The following CCSER2 variants were observed in gnomAD, a reference collection of about 807,000 sequenced individuals.
The protein encoded by CCSER2 is serine-rich coiled-coil domain-containing protein 2.
In CCSER2, 46 loss-of-function variants were observed where a neutral mutation model predicts 92.3. The ratio of observed to expected loss-of-function variants is 0.50; its 90% CI spans 0.39 to 0.64. The LOEUF (loss-of-function observed/expected upper bound fraction) is 0.64, where lower values mean the gene tolerates loss of function less well. CCSER2 is among the 30% of genes least tolerant of loss of function. CCSER2 has a pLI of 0.00. For synonymous variants in CCSER2, 433 were observed against 431.4 expected (o/e 1.00, Z -0.04); for missense variants, 1,244 against 1,238.9 (o/e 1.00, Z -0.06).
chr10:84,329,814 T>A (rs1843461155), intron 1 of CCSER2, among the ~76,000 whole-genome samples: 1 of 152,216 alleles, frequency 6.6e-6, no homozygotes, highest in African/African-American at 2.4e-5. Context: ...TTGCCTGAAA[T>A]CAGTCTTCTT....
intron 5 of CCSER2, among the ~76,000 whole-genome samples, chr10:84,427,706 C>T (rs1000008943): frequency 1.3e-5 from 2 of 152,056 alleles, no homozygotes; most frequent in Non-Finnish European, 2.9e-5. Flanking sequence ...TCTTTTCTGC[C>T]CAGACCTCCT....
chr10:84,365,582 A>G (rs1345698056), intron 1 of CCSER2, among the ~76,000 whole-genome samples: 2 of 152,236 alleles, frequency 1.3e-5, no homozygotes, highest in Non-Finnish European at 2.9e-5. Context: ...AGAATAGCAC[A>G]TTCAGGTTCT....
rs139213077 is a variant in CCSER2 at position 84,421,624 on chromosome 10, G to A, written c.1705+3763G>A. Among the ~76,000 whole-genome samples the A allele has an allele frequency of 4.1e-4, 63 of 152,258 alleles. No individual in the cohort carries two copies. In the East Asian group the frequency reaches 9.3e-3, roughly 22 times the overall value. Reference sequence around the variant, plus strand: ...ATTATTGCAATTTAAGGTGAGATTTGGGTAGGGACACAGAGCCAAACCATG... The same window carrying A: ...ATTATTGCAATTTAAGGTGAGATTTAGGTAGGGACACAGAGCCAAACCATG... On this transcript the variant is annotated intron_variant, in intron 4 of 9. Transcript: ENST00000372088.
intron 1 of CCSER2, among the ~76,000 whole-genome samples, chr10:84,333,196 T>C (rs143549028): frequency 9.5e-4 from 145 of 152,298 alleles, no homozygotes; most frequent in African/African-American, 2.8e-3. Flanking sequence ...TTAACTCTTA[T>C]TGCTAATCAT....
intron 9 of CCSER2, among the ~76,000 whole-genome samples, chr10:84,509,296 T>C (rs2131873111): frequency 6.6e-6 from 1 of 152,356 alleles, no homozygotes; most frequent in South Asian, 2.1e-4. Context: ...CCACTAATAT[T>C]TATTTATTCA....
intron 3 of CCSER2, among the ~76,000 whole-genome samples, chr10:84,404,331 A>G (rs1217735094): frequency 1.3e-5 from 2 of 152,238 alleles, no homozygotes; most frequent in Non-Finnish European, 2.9e-5. Context: ...TTCTCAGCTT[A>G]CTAACAAAGT....
intron 6 of CCSER2, among the ~76,000 whole-genome samples, chr10:84,446,982 A>G (rs938382398): frequency 6.6e-6 from 1 of 151,284 alleles, no homozygotes; most frequent in Non-Finnish European, 1.5e-5. Context: ...AACGAAACAT[A>G]ATATCTTTGT....
intron 1 of CCSER2, among the ~76,000 whole-genome samples, chr10:84,365,330 A>G (rs1845723067): frequency 6.6e-6 from 1 of 152,236 alleles, no homozygotes; most frequent in South Asian, 2.1e-4. Flanking sequence ...ATGGCTACCA[A>G]AATGAAGCAG....
chr10:84,391,244 A>G (rs1841501561), intron 3 of CCSER2: 4 of 1,348,444 alleles, frequency 3.0e-6, no homozygotes, highest in Non-Finnish European at 4.3e-6. Context: ...TGCCCAAGCC[A>G]TGCTAAACAA....
chr10:84,455,556 G>A (rs762144053), intron 6 of CCSER2: 29 of 411,666 alleles, frequency 7.0e-5, no homozygotes, highest in African/African-American at 2.1e-4. Context: ...GATTACAGGC[G>A]TGAGCTACTG....
At chr10:84,420,515 G>A (rs1843087202) in intron 4 of CCSER2, among the ~76,000 whole-genome samples, 1 of 152,076 alleles carries the variant, frequency 6.6e-6, no homozygotes, top group Non-Finnish European at 1.5e-5. Flanking sequence ...CAGTTTTTTG[G>A]CTGGGAGGAT....
intron 3 of CCSER2, among the ~76,000 whole-genome samples, chr10:84,412,224 A>C (rs1170033794): frequency 6.6e-6 from 1 of 152,122 alleles, no homozygotes; most frequent in African/African-American, 2.4e-5. Context: ...ATTTATGTTC[A>C]TCAAGGATAT....
In CCSER2 at chr10:84,438,602, A is replaced by G; in HGVS notation, c.1959A>G (p.Val653=). Residue 653 remains valine, a synonymous_variant, in exon 6 of 10, where the codon GTA becomes GTG. Transcript: ENST00000372088. ...AGGCTCAGAAGATGTTTGTTGATGTACCAGAAAATACAGTGATACTGGATG... is the reference window on the plus strand; with the variant it reads ...AGGCTCAGAAGATGTTTGTTGATGTGCCAGAAAATACAGTGATACTGGATG... ...FFQAQKMFVD[V]PENTVILDEM... 6.2e-7 allele frequency: 1 copy of G among 1,613,312 alleles called. No homozygotes were observed. Among genetic ancestry groups the G allele is most frequent in the Non-Finnish European group, 8.5e-7 (1 of 1,179,290 alleles).
chr10:84,398,276 C>T (rs1241699884), intron 3 of CCSER2, among the ~76,000 whole-genome samples: 1 of 152,198 alleles, frequency 6.6e-6, no homozygotes, highest in African/African-American at 2.4e-5. Context: ...CCTCCCTCTT[C>T]CATTCTGAGT....
chr10:84,358,464 G>A (rs1339042610), intron 1 of CCSER2, among the ~76,000 whole-genome samples: 1 of 151,900 alleles, frequency 6.6e-6, no homozygotes, highest in Non-Finnish European at 1.5e-5. Context: ...TACCATTAAT[G>A]TTCCTCTAGC....
chr10:84,376,859 C>CT (rs1179516244), intron 3 of CCSER2, among the ~76,000 whole-genome samples: 1 of 151,830 alleles, frequency 6.6e-6, no homozygotes, highest in Non-Finnish European at 1.5e-5. Flanking sequence ...TGCTTTCTGC[C>CT]TTTTTGCATT....
At chr10:84,330,323 A>T (rs962628886) in intron 1 of CCSER2, among the ~76,000 whole-genome samples, 1 of 152,118 alleles carries the variant, frequency 6.6e-6, no homozygotes, top group African/African-American at 2.4e-5. Context: ...GTGGTTTTTC[A>T]GTGTTCTTTG....
intron 3 of CCSER2, among the ~76,000 whole-genome samples, chr10:84,378,860 A>G (rs1199076923): frequency 2.0e-5 from 3 of 152,206 alleles, no homozygotes; most frequent in African/African-American, 7.2e-5. Flanking sequence ...GGTGCATGCC[A>G]CTATACCCAG....
At chr10:84,405,859 G>A (rs1842350094) in intron 3 of CCSER2, among the ~76,000 whole-genome samples, 1 of 152,188 alleles carries the variant, frequency 6.6e-6, no homozygotes, top group Admixed American at 6.5e-5. Flanking sequence ...TATGTGGAAT[G>A]TTACAGCAAC....
Sources: gnomAD v4.1 joint callset for allele counts (sites outside exome capture counted in the v4.1 genomes callset) on GRCh38, gnomAD v4.1.1 for gene constraint, MANE v1.5 for transcripts, NCBI Gene and HGNC (gene_info 2026-07-23, HGNC 2026-07-21) for gene names.